ATP10B: variants seen among roughly 807,000 people sequenced by gnomAD.
ATP10B encodes ATPase phospholipid transporting 10B (putative), also known as phospholipid-transporting ATPase VB.
A neutral mutation model predicts 141.2 loss-of-function variants in ATP10B; 122 were observed. The ratio of observed to expected loss-of-function variants is 0.86; its 90% CI spans 0.75 to 1.00. The LOEUF (loss-of-function observed/expected upper bound fraction) is 1.00, where lower values mean the gene tolerates loss of function less well. Ranked by LOEUF, ATP10B falls within the 50% of genes least tolerant of loss-of-function variation. The pLI, the probability that ATP10B is intolerant of heterozygous loss-of-function variation, is 0.00. For synonymous variants in ATP10B, 685 were observed against 692.0 expected, an observed-to-expected ratio of 0.99 and a Z score of 0.16; for missense variants, 1,876 against 1,825.3, an observed-to-expected ratio of 1.03 and a Z score of -0.51.
intron 14 of ATP10B, among the ~76,000 whole-genome samples, chr5:160,622,054 G>A (rs1758377456): frequency 6.6e-6 from 1 of 152,142 alleles, no homozygotes; most frequent in African/African-American, 2.4e-5. Context: ...TGGGTTGAGA[G>A]GATTAAATGA....
the ATP10B span, among the ~76,000 whole-genome samples, chr5:160,929,028 G>T: frequency 6.6e-6 from 1 of 152,172 alleles, no homozygotes; most frequent in Non-Finnish European, 1.5e-5. Context: ...AGAGGATTGG[G>T]GGTCCCTGGG....
At chr5:160,602,851 A>G (rs959953061) in intron 20 of ATP10B, 149 bp from the exon 21 acceptor site, 1 of 967,922 alleles carries the variant, frequency 1.0e-6, no homozygotes. Flanking sequence ...AGCTTTTTGG[A>G]TTCTGACACC....
At chr5:160,797,060 C>T (rs972235129) in intron 1 of ATP10B, among the ~76,000 whole-genome samples, 1 of 152,114 alleles carries the variant, frequency 6.6e-6, no homozygotes, top group African/African-American at 2.4e-5. Flanking sequence ...AAAATCTCCC[C>T]CTGAGTTGTC....
At chr5:160,587,593 C>T (rs1366394689) in intron 24 of ATP10B, among the ~76,000 whole-genome samples, 1 of 152,186 alleles carries the variant, frequency 6.6e-6, no homozygotes, top group Non-Finnish European at 1.5e-5. Flanking sequence ...TTTGTGTCCT[C>T]TTTTATTTCC....
At chr5:160,695,546 C>A (rs550396942) in intron 3 of ATP10B, among the ~76,000 whole-genome samples, 2 of 151,602 alleles carry the variant, frequency 1.3e-5, no homozygotes. Context: ...TGAAAGTAAG[C>A]ATCCTAGGAA....
At chr5:160,700,067 G>C (rs1476571994) in intron 3 of ATP10B, among the ~76,000 whole-genome samples, 1 of 152,078 alleles carries the variant, frequency 6.6e-6, no homozygotes, top group Non-Finnish European at 1.5e-5. Context: ...TTAAAGAAAA[G>C]CCACAGGAAA....
In ATP10B at chr5:160,781,000, C is replaced by T. The variant is rs368439868; in HGVS notation, c.-331+4559G>A. On this transcript the variant is annotated intron_variant, in intron 2 of 25. Transcript: ENST00000327245. ...TGTTGTTTTGAAATAGGGAACATAT[C>T]CTTCAACTCAGTATGAAATGTGTTC... is the stretch of plus-strand genomic sequence containing the variant. 8.2e-4 allele frequency among the ~76,000 whole-genome samples: 125 copies of T among 152,222 alleles called. 6 individuals carry two copies. The South Asian group carries it at 0.025, about 31-fold the overall frequency.
chr5:160,704,586 G>C (rs1001228596), intron 3 of ATP10B, among the ~76,000 whole-genome samples: 2 of 152,156 alleles, frequency 1.3e-5, no homozygotes, highest in African/African-American at 4.8e-5. Flanking sequence ...GTCACTAGCT[G>C]CATTATTCTC....
intron 2 of ATP10B, among the ~76,000 whole-genome samples, chr5:160,720,862 G>A (rs771292267): frequency 1.3e-5 from 2 of 152,132 alleles, no homozygotes; most frequent in Non-Finnish European, 2.9e-5. Flanking sequence ...TGCTTACAAA[G>A]GTTTGCAATA....
intron 2 of ATP10B, among the ~76,000 whole-genome samples, chr5:160,762,978 T>C (rs1769151175): frequency 6.6e-6 from 1 of 152,126 alleles, no homozygotes; most frequent in African/African-American, 2.4e-5. Context: ...AGGGACATTA[T>C]ATAATGATAA....
intron 8 of ATP10B, among the ~76,000 whole-genome samples, chr5:160,645,924 G>A (rs1436252609): frequency 4.6e-5 from 7 of 152,138 alleles, no homozygotes; most frequent in African/African-American, 1.7e-4. Context: ...GTGGCAGAAT[G>A]GGGATTCAAA....
intron 2 of ATP10B, among the ~76,000 whole-genome samples, chr5:160,759,078 T>G (rs1768843390): frequency 6.6e-6 from 1 of 151,886 alleles, no homozygotes; most frequent in African/African-American, 2.4e-5. Context: ...TATATGATCA[T>G]TAGAGCTTTT....
the ATP10B span, among the ~76,000 whole-genome samples, chr5:160,927,992 G>C: frequency 0.14 from 21,484 of 148,466 alleles, 1,911 homozygotes; most frequent in African/African-American, 0.24. Flanking sequence ...GGAAGACAGA[G>C]TGCCAAGGTC....
intron 1 of ATP10B, among the ~76,000 whole-genome samples, chr5:160,793,618 G>T (rs1336804603): frequency 6.6e-6 from 1 of 152,096 alleles, no homozygotes. Flanking sequence ...ACATTGTATT[G>T]CAATTACTTT....
At chr5:160,573,804 G>A (rs1382794936) in intron 24 of ATP10B, among the ~76,000 whole-genome samples, 1 of 152,096 alleles carries the variant, frequency 6.6e-6, no homozygotes, top group East Asian at 1.9e-4. Flanking sequence ...TATCTATGTT[G>A]AAAGACATAG....
chr5:160,768,755 A>T (rs1769667125), intron 2 of ATP10B, among the ~76,000 whole-genome samples: 1 of 152,212 alleles, frequency 6.6e-6, no homozygotes, highest in African/African-American at 2.4e-5. Flanking sequence ...AAGCTTTAAG[A>T]ACATCCAGAA....
At chr5:160,819,825 A>G (rs1307575065) in intron 1 of ATP10B, among the ~76,000 whole-genome samples, 1 of 152,150 alleles carries the variant, frequency 6.6e-6, no homozygotes, top group Non-Finnish European at 1.5e-5. Flanking sequence ...AAAAACATAT[A>G]ATGGATACAG....
At chr5:160,753,341 T>TAA (rs1340424456) in intron 2 of ATP10B, among the ~76,000 whole-genome samples, 4 of 152,324 alleles carry the variant, frequency 2.6e-5, no homozygotes, top group Admixed American at 6.5e-5. Flanking sequence ...ACCTTTTCTA[T>TAA]AAGCACCCTT....
At chr5:160,914,716 C>T in the ATP10B span, among the ~76,000 whole-genome samples, 48 of 152,282 alleles carry the variant, frequency 3.2e-4, no homozygotes, top group African/African-American at 1.0e-3. Context: ...ATCATACGCC[C>T]AGGTACTAAC....
Sources: allele counts gnomAD v4.1 joint callset (sites outside exome capture counted in the v4.1 genomes callset), GRCh38; gene constraint gnomAD v4.1.1; transcripts MANE v1.5; gene names NCBI Gene and HGNC (gene_info 2026-07-23, HGNC 2026-07-21).